KRT7: variants seen among roughly 807,000 people sequenced by gnomAD.
The protein encoded by KRT7 is keratin 7.
KRT7 carries 50 observed loss-of-function variants against 42.8 expected under a neutral mutation model. The observed-to-expected ratio is 1.17, with a 90% CI of 0.93 to 1.48. The LOEUF is 1.48. Among genes scored for constraint, KRT7 ranks in the 40% most tolerant of loss-of-function variants. KRT7 has a pLI of 0.00. For synonymous variants in KRT7, 268 were observed against 266.3 expected (o/e 1.01, Z -0.06); for missense variants, 588 against 637.6 (o/e 0.92, Z 0.84).
At chr12:52,239,527 G>C (rs113630222) in intron 4 of KRT7, among the ~76,000 whole-genome samples, 1,941 of 152,298 alleles carry the variant, frequency 0.013, 35 homozygotes, top group African/African-American at 0.044. Flanking sequence ...TTCAGGACAG[G>C]CTAAGGATTC....
chr12:52,242,135 A>T (rs1942101426), intron 5 of KRT7, among the ~76,000 whole-genome samples: 1 of 151,852 alleles, frequency 6.6e-6, no homozygotes. Context: ...ATGCCTGGCT[A>T]ATTTTTTTTG....
intron 4 of KRT7, among the ~76,000 whole-genome samples, chr12:52,240,189 A>G (rs1942067458): frequency 7.0e-6 from 1 of 143,684 alleles, no homozygotes; most frequent in African/African-American, 3.0e-5. Flanking sequence ...ACACACACAT[A>G]TATATAAAGT....
At chr12:52,245,938 C>T (rs1267377087) in intron 7 of KRT7, 10 of 352,330 alleles carry the variant, frequency 2.8e-5, no homozygotes, top group Admixed American at 1.3e-4. Flanking sequence ...AGGTCAGAGA[C>T]GATTGATTCC....
downstream of KRT7, chr12:52,253,367 C>T: frequency 6.2e-7 from 1 of 1,609,672 alleles, no homozygotes; most frequent in Non-Finnish European, 8.5e-7. Context: ...TTATGAGGCT[C>T]AGGGTGGGAC....
chr12:52,253,479 G>A (rs1426265565), downstream of KRT7: 2 of 1,545,340 alleles, frequency 1.3e-6, no homozygotes, highest in Non-Finnish European at 1.8e-6. Context: ...CAACCTCAGA[G>A]AGGCAGCCCT....
rs767352721 is a variant in KRT7, at chr12:52,245,450, G to A, written c.1023G>A (p.Glu341=). The change falls in exon 7 of 9, where the codon GAG becomes GAA. Residue 341 remains glutamate (E), a synonymous_variant. Transcript: ENST00000331817. ...KLEAAIAEAE[E]RGELALKDAR... ...AGGCCGCCATTGCCGAGGCTGAGGAGCGTGGGGAGCTGGCGCTCAAGGATG... is the reference window on the plus strand; with the variant it reads ...AGGCCGCCATTGCCGAGGCTGAGGAACGTGGGGAGCTGGCGCTCAAGGATG... The A allele has an allele frequency of 6.2e-7, 1 of 1,613,968 alleles. No individual in the cohort carries two copies. Among genetic ancestry groups the A allele is most frequent in the Non-Finnish European group, 8.5e-7 (1 of 1,180,022 alleles).
downstream of KRT7, chr12:52,252,157 A>G: frequency 2.1e-6 from 3 of 1,412,196 alleles, no homozygotes; most frequent in East Asian, 4.7e-5. Flanking sequence ...GCGTTGATGC[A>G]CATTCCAAGT....
At chr12:52,248,972 T>G, downstream of KRT7, 1 of 432,394 alleles carries the variant, frequency 2.3e-6, no homozygotes, top group Non-Finnish European at 4.0e-6. Flanking sequence ...AAGACGGGAC[T>G]AGAGAAGGCA....
chr12:52,239,764 G>A (rs1276255667), intron 4 of KRT7, among the ~76,000 whole-genome samples: 1 of 152,150 alleles, frequency 6.6e-6, no homozygotes, highest in Non-Finnish European at 1.5e-5. Flanking sequence ...GGCTGGGTGG[G>A]TAGCTGCCTG....
chr12:52,255,198 G>C (rs1373818035), downstream of KRT7, among the ~76,000 whole-genome samples: 1 of 152,202 alleles, frequency 6.6e-6, no homozygotes, highest in Admixed American at 6.5e-5. Context: ...AAGAAGCTGG[G>C]CCGTGTGATT....
At chr12:52,253,561 A>C (rs942656752), downstream of KRT7, 1 of 1,602,286 alleles carries the variant, frequency 6.2e-7, no homozygotes. Context: ...GCATCCCTCC[A>C]ACTGCCATGT....
chr12:52,250,595 C>T, downstream of KRT7: 1 of 1,242,218 alleles, frequency 8.1e-7, no homozygotes, highest in Non-Finnish European at 1.1e-6. Flanking sequence ...GGGAGCCCGA[C>T]ACGCACAGGT....
intron 7 of KRT7, chr12:52,245,879 G>A (rs940189889): frequency 3.7e-6 from 2 of 542,960 alleles, no homozygotes; most frequent in Non-Finnish European, 6.5e-6. Context: ...TTGTGTGTGC[G>A]GCTTCTTAGG....
Position 52,244,116 on chromosome 12 carries a change from C to T in KRT7, c.984+979C>T, listed in dbSNP as rs111411463. ...GGGGAGGGCACACATGTGGAAGCTT[C>T]GGAAAGCTGATTTCCAGATGAGCTG... is the stretch of plus-strand genomic sequence containing the variant. On this transcript the variant is annotated intron_variant, in intron 6 of 8. Coordinates refer to ENST00000331817, the MANE Select transcript of KRT7 (RefSeq NM_005556.4). Among the ~76,000 whole-genome samples the T allele has an allele frequency of 4.5e-4, 68 of 152,004 alleles. 1 individual carries two copies. The highest frequency in any genetic ancestry group is 1.3e-3 in the African/African-American group (55 of 41,316).
chr12:52,237,432 C>T, intron 2 of KRT7, 77 bp from the exon 3 acceptor site: 1 of 1,069,140 alleles, frequency 9.4e-7, no homozygotes, highest in South Asian at 1.5e-5. Context: ...GGGCAGATTT[C>T]ACAGCTGCAT....
At chr12:52,238,233 CA>C (rs1942037142) in intron 3 of KRT7, among the ~76,000 whole-genome samples, 1 of 152,176 alleles carries the variant, frequency 6.6e-6, no homozygotes, top group South Asian at 2.1e-4. Flanking sequence ...CCACCTGCAT[CA>C]TAGTTACCAT....
At chr12:52,234,723 C>T (rs1034246500) in intron 1 of KRT7, among the ~76,000 whole-genome samples, 26 of 152,066 alleles carry the variant, frequency 1.7e-4, no homozygotes, top group African/African-American at 6.3e-4. Context: ...GATTGACTGT[C>T]CTGAGGCCTT....
At chr12:52,252,090 T>C (rs745633103), downstream of KRT7, 88 of 875,126 alleles carry the variant, frequency 1.0e-4, no homozygotes, top group Non-Finnish European at 1.4e-4. Context: ...CAGAAATTAG[T>C]TGTGGGGAGC....
At position 52,243,141 on chromosome 12, in the gene KRT7, G is replaced by A. The variant is rs1334012957; in HGVS notation, c.984+4G>A. 7 of 1,609,136 alleles carry A rather than the reference G, an allele frequency of 4.4e-6. No individual in the cohort carries two copies. In the South Asian group the frequency reaches 6.6e-5, roughly 15 times the overall value. On this transcript the variant is annotated splice_donor_region_variant and intron_variant, in intron 6 of 8. Coordinates refer to ENST00000331817, the MANE Select transcript of KRT7 (RefSeq NM_005556.4). ...GATCGACAACATCAAGAACCAGGTG[G>A]GACAAGTCCTCCTGGCTTCCCCTGC... is the stretch of plus-strand genomic sequence containing the variant.
Sources: allele counts gnomAD v4.1 joint callset (sites outside exome capture counted in the v4.1 genomes callset), GRCh38; gene constraint gnomAD v4.1.1; transcripts MANE v1.5; gene names NCBI Gene and HGNC (gene_info 2026-07-23, HGNC 2026-07-21).